The following GPM6A variants were observed in gnomAD, a reference collection of about 807,000 sequenced individuals.
GPM6A encodes the protein glycoprotein M6A.
In GPM6A, 7 loss-of-function variants were observed where a neutral mutation model predicts 32.1. The ratio of observed to expected loss-of-function variants is 0.22; its 90% confidence interval spans 0.12 to 0.41. GPM6A has a LOEUF of 0.41. Ranked by LOEUF, GPM6A falls within the 10% of genes least tolerant of loss-of-function variation. The pLI is 1.00. For synonymous variants in GPM6A, 130 were observed against 123.4 expected (o/e 1.05, Z -0.35); for missense variants, 235 against 347.2 (o/e 0.68, Z 2.57).
At chr4:175,816,650 C>T (rs1283729701), upstream of GPM6A, among the ~76,000 whole-genome samples, 2 of 152,118 alleles carry the variant, frequency 1.3e-5, no homozygotes, top group African/African-American at 4.8e-5. Flanking sequence ...AAACCTAGCC[C>T]AGTGCATAGG....
intron 1 of GPM6A, among the ~76,000 whole-genome samples, chr4:175,931,675 C>T (rs7435190): frequency 0.025 from 2,802 of 114,096 alleles, 55 homozygotes; most frequent in African/African-American, 0.073. Flanking sequence ...AAAATATACA[C>T]ACACACACAC....
chr4:175,919,284 A>C (rs187285857), intron 1 of GPM6A, among the ~76,000 whole-genome samples: 1 of 152,128 alleles, frequency 6.6e-6, no homozygotes, highest in African/African-American at 2.4e-5. Flanking sequence ...ACTTCTAAAA[A>C]TTCTGTGTAT....
At chr4:175,853,292 G>T (rs536964612) in intron 1 of GPM6A, among the ~76,000 whole-genome samples, 8 of 151,772 alleles carry the variant, frequency 5.3e-5, no homozygotes, top group African/African-American at 1.7e-4. Flanking sequence ...GGCTTTTTTG[G>T]CATGATATCA....
At chr4:175,845,076 T>G (rs1230211127) in intron 1 of GPM6A, among the ~76,000 whole-genome samples, 2 of 152,178 alleles carry the variant, frequency 1.3e-5, no homozygotes, top group Non-Finnish European at 2.9e-5. Flanking sequence ...TTCCATTTTC[T>G]TGACTTACTG....
chr4:175,649,341 G>C (rs573340797), intron 4 of GPM6A, among the ~76,000 whole-genome samples: 2 of 152,272 alleles, frequency 1.3e-5, no homozygotes, highest in East Asian at 3.9e-4. Flanking sequence ...ACAAGCACTT[G>C]AATGCATTGA....
At chr4:175,762,238 T>G (rs917895439) in intron 1 of GPM6A, among the ~76,000 whole-genome samples, 1 of 152,220 alleles carries the variant, frequency 6.6e-6, no homozygotes, top group Non-Finnish European at 1.5e-5. Context: ...GTTTTTAATA[T>G]AGTGCAGGGA....
intron 3 of GPM6A, among the ~76,000 whole-genome samples, chr4:175,665,025 A>T (rs1012698423): frequency 1.3e-5 from 2 of 152,194 alleles, no homozygotes; most frequent in African/African-American, 4.8e-5. Context: ...AAACATATCT[A>T]ACCATAGAAA....
intron 1 of GPM6A, among the ~76,000 whole-genome samples, chr4:175,998,669 C>G (rs975069185): frequency 6.6e-6 from 1 of 152,146 alleles, no homozygotes; most frequent in East Asian, 1.9e-4. Flanking sequence ...TGACCTATCT[C>G]TCATCAATCT....
At chr4:175,728,730 C>T (rs934602505) in intron 1 of GPM6A, among the ~76,000 whole-genome samples, 4 of 152,208 alleles carry the variant, frequency 2.6e-5, no homozygotes, top group African/African-American at 9.6e-5. Flanking sequence ...TTGGTGCCCT[C>T]TCCCTGTTGC....
chr4:175,725,449 C>T (rs1746356928), intron 1 of GPM6A, among the ~76,000 whole-genome samples: 1 of 151,888 alleles, frequency 6.6e-6, no homozygotes, highest in African/African-American at 2.4e-5. Context: ...TGCACCACCA[C>T]ACCTGGCTAA....
At chr4:175,820,604 G>T (rs1293863748) in intron 1 of GPM6A, among the ~76,000 whole-genome samples, 4 of 146,622 alleles carry the variant, frequency 2.7e-5, no homozygotes, top group Non-Finnish European at 4.5e-5. Flanking sequence ...GGGTTCAAGT[G>T]ATTCTCCTGC....
At chr4:175,939,340 T>C (rs1362995597) in intron 1 of GPM6A, among the ~76,000 whole-genome samples, 1 of 152,164 alleles carries the variant, frequency 6.6e-6, no homozygotes, top group Non-Finnish European at 1.5e-5. Flanking sequence ...CTGGAGTATT[T>C]AGAACTGTGA....
At chr4:175,997,386 AT>A (rs1741340531) in intron 1 of GPM6A, among the ~76,000 whole-genome samples, 1 of 152,220 alleles carries the variant, frequency 6.6e-6, no homozygotes, top group African/African-American at 2.4e-5. Context: ...GATCAAAAGT[AT>A]TATCCAGTAC....
intron 4 of GPM6A, among the ~76,000 whole-genome samples, chr4:175,651,282 A>G (rs749641369): frequency 4.6e-5 from 7 of 152,224 alleles, no homozygotes; most frequent in African/African-American, 1.7e-4. Flanking sequence ...TGGTAAATCC[A>G]TATACATATG....
At chr4:175,866,222 C>T (rs1215766614) in intron 1 of GPM6A, among the ~76,000 whole-genome samples, 1 of 152,116 alleles carries the variant, frequency 6.6e-6, no homozygotes, top group Admixed American at 6.6e-5. Context: ...CCCCCACTAT[C>T]AACATTTCCC....
chr4:175,779,196 C>T (rs1733515612), intron 1 of GPM6A, among the ~76,000 whole-genome samples: 1 of 152,142 alleles, frequency 6.6e-6, no homozygotes, highest in Non-Finnish European at 1.5e-5. Flanking sequence ...CAGTTTCTCA[C>T]CATAGTGCCT....
chr4:175,783,407 C>A (rs1244313900), intron 1 of GPM6A, among the ~76,000 whole-genome samples: 1 of 151,784 alleles, frequency 6.6e-6, no homozygotes, highest in Non-Finnish European at 1.5e-5. Flanking sequence ...TTCAATATTT[C>A]ATAAATTAAA....
intron 2 of GPM6A, among the ~76,000 whole-genome samples, chr4:175,682,875 C>T (rs1265263920): frequency 6.6e-6 from 1 of 152,162 alleles, no homozygotes; most frequent in African/African-American, 2.4e-5. Context: ...GTGGAGGCCT[C>T]ACAAGAACCT....
chr4:175,888,044 T>C (rs1737518527), intron 1 of GPM6A, among the ~76,000 whole-genome samples: 2 of 151,940 alleles, frequency 1.3e-5, no homozygotes, highest in Admixed American at 6.6e-5. Flanking sequence ...AAGAAAAATT[T>C]GAGGTTGATT....
Sources: gnomAD v4.1 joint callset for allele counts (sites outside exome capture counted in the v4.1 genomes callset) on GRCh38, gnomAD v4.1.1 for gene constraint, MANE v1.5 for transcripts, NCBI Gene and HGNC (gene_info 2026-07-23, HGNC 2026-07-21) for gene names.